MED13: variants seen among roughly 807,000 people sequenced by gnomAD.
MED13 encodes mediator complex subunit 13.
In MED13, 23 loss-of-function variants were observed where a neutral mutation model predicts 225.2. The ratio of observed to expected loss-of-function variants is 0.10; its 90% confidence interval spans 0.07 to 0.14. The LOEUF (loss-of-function observed/expected upper bound fraction) is 0.14. Ranked by LOEUF, MED13 falls within the 10% of genes least tolerant of loss-of-function variation. The pLI is 1.00. For synonymous variants in MED13, 942 were observed against 889.2 expected, an observed-to-expected ratio of 1.06 and a Z score of -1.06; for missense variants, 2,197 against 2,594.5, an observed-to-expected ratio of 0.85 and a Z score of 3.33.
In MED13 at chr17:61,945,139, T is replaced by TA. The variant is rs562056483; in HGVS notation, c.*1328dup. On this transcript the variant is annotated 3_prime_UTR_variant, in exon 30 of 30. Coordinates refer to ENST00000397786, the MANE Select transcript of MED13 (RefSeq NM_005121.3). ...ATAAATAAAAAAGGCAAGGGAAGTTTAAAAAATGGTTCTTTCACTAGTGGA... is the reference window on the plus strand; with the variant it reads ...ATAAATAAAAAAGGCAAGGGAAGTTTAAAAAAATGGTTCTTTCACTAGTGGA... 7.2e-5 allele frequency: 11 copies of TA among 152,406 alleles called. No homozygotes were observed. The highest frequency in any genetic ancestry group is 2.6e-4 in the Admixed American group (4 of 15,286). The allele number at this position is 152,406 out of a possible 1,614,324, so 9.4% of individuals were successfully genotyped here.
chr17:62,020,377 T>C (rs2080628240), intron 8 of MED13, among the ~76,000 whole-genome samples: 1 of 152,114 alleles, frequency 6.6e-6, no homozygotes, highest in Admixed American at 6.6e-5. Context: ...TACTGTAGTT[T>C]GCTTTTTATT....
At chr17:62,063,415 A>C (rs1000579380) in intron 1 of MED13, 114 bp from the exon 2 acceptor site, 23 of 666,430 alleles carry the variant, frequency 3.5e-5, no homozygotes, top group Non-Finnish European at 5.1e-6. Context: ...TGTATGCTTG[A>C]GATATTGACT....
chr17:61,960,054 A>C (rs1603391718), intron 23 of MED13, among the ~76,000 whole-genome samples: 2 of 152,166 alleles, frequency 1.3e-5, no homozygotes, highest in South Asian at 4.2e-4. Context: ...ACTAAAAATC[A>C]TTTCACGAAT....
chr17:62,019,189 T>C (rs1264495601), intron 8 of MED13, among the ~76,000 whole-genome samples: 1 of 152,252 alleles, frequency 6.6e-6, no homozygotes, highest in Non-Finnish European at 1.5e-5. Context: ...ATAGGCCGAA[T>C]GCAGAAGCAG....
intron 8 of MED13, among the ~76,000 whole-genome samples, chr17:62,015,892 CACACACACAT>C (rs1567979475): frequency 1.1e-5 from 1 of 90,012 alleles, no homozygotes; most frequent in Non-Finnish European, 2.2e-5. Flanking sequence ...TATATACACA[CACACACACAT>C]ACACACTATA....
intron 20 of MED13, among the ~76,000 whole-genome samples, chr17:61,964,298 T>C (rs551189642): frequency 9.8e-5 from 15 of 152,296 alleles, no homozygotes; most frequent in East Asian, 9.6e-4. Context: ...CTAGGCCGGG[T>C]GCGATAGCTC....
At chr17:61,948,825 G>A (rs897419796) in intron 28 of MED13, among the ~76,000 whole-genome samples, 3 of 151,184 alleles carry the variant, frequency 2.0e-5, no homozygotes, top group African/African-American at 4.9e-5. Context: ...GGTGGCTCAC[G>A]CCTGTAATCC....
At chr17:62,014,499 T>A (rs543777617) in intron 8 of MED13, among the ~76,000 whole-genome samples, 1 of 152,080 alleles carries the variant, frequency 6.6e-6, no homozygotes, top group South Asian at 2.1e-4. Context: ...GTATTTTCAG[T>A]AGAGGTGGGG....
chr17:61,955,419 G>A lies in MED13; in HGVS notation c.5931C>T (p.Thr1977=), dbSNP rs1773108808. Residue 1977 remains threonine (T), a synonymous_variant, in exon 26 of 30, where the codon ACC becomes ACT. Coordinates refer to ENST00000397786, the MANE Select transcript of MED13 (RefSeq NM_005121.3). ...TGAAAGCTAAATCCAAATTTTCAGT[G>A]GTATAAGTAGCTGAAGCTACTTGCA... is the stretch of plus-strand genomic sequence containing the variant. ...ASVQVASATY[T]TENLDLAFNP... is the part of the protein sequence containing the mutation. 6.3e-7 allele frequency: 1 copy of A among 1,576,638 alleles called. No homozygotes were observed. The highest frequency in any genetic ancestry group is 8.6e-7 in the Non-Finnish European group (1 of 1,166,944).
chr17:62,009,197 G>T (rs892182951), intron 9 of MED13, among the ~76,000 whole-genome samples: 1 of 152,050 alleles, frequency 6.6e-6, no homozygotes, highest in African/African-American at 2.4e-5. Context: ...TATGTAAAAG[G>T]CTTATTAGAC....
At chr17:62,011,350 A>C (rs1324773626) in intron 8 of MED13, 117 bp from the exon 9 acceptor site, 1 of 867,578 alleles carries the variant, frequency 1.2e-6, no homozygotes, top group East Asian at 2.9e-5. Flanking sequence ...GTAATACTAA[A>C]AGTAAAATAA....
In MED13 at chr17:61,965,312, G is replaced by A. The variant is rs776629591; in HGVS notation, c.4538C>T (p.Thr1513Ile). The change falls in exon 20 of 30, where the codon ACT becomes ATT. Residue 1513 changes from threonine to isoleucine, a missense_variant. Around this residue, in one of 12 missense-constraint regions of MED13, gnomAD observed 457 missense variants for 442.2 expected, o/e 1.03. Coordinates refer to ENST00000397786, the MANE Select transcript of MED13 (RefSeq NM_005121.3). ...SATLASAASS[T>I]MTVTSGVAIS... ...GGCAACACCTGAAGTCACTGTCATA[G>A]TGCTGCTCGCTGCAGATGCTAAGGT... is the stretch of plus-strand genomic sequence containing the variant. 31 of 1,614,140 alleles carry A rather than the reference G, an allele frequency of 1.9e-5. No homozygotes were observed. Among genetic ancestry groups the A allele is most frequent in the Non-Finnish European group, 2.4e-5 (28 of 1,180,050 alleles).
intron 9 of MED13, among the ~76,000 whole-genome samples, chr17:62,008,877 T>C (rs993229976): frequency 1.3e-5 from 2 of 152,050 alleles, no homozygotes; most frequent in African/African-American, 4.8e-5. Flanking sequence ...TTAAACTCCA[T>C]ATAATAGTTA....
intron 5 of MED13, 60 bp from the exon 6 acceptor site, chr17:62,031,698 C>A: frequency 8.7e-7 from 1 of 1,154,084 alleles, no homozygotes. Flanking sequence ...GAATTAGTTT[C>A]ACTCAAAAGT....
intron 26 of MED13, 171 bp downstream of exon 26, chr17:61,955,211 G>T: frequency 2.0e-6 from 1 of 490,002 alleles, no homozygotes; most frequent in South Asian, 4.3e-5. Context: ...TCGCATTAAG[G>T]GCCCACCTGC....
intron 3 of MED13, among the ~76,000 whole-genome samples, chr17:62,048,267 T>C (rs1409699120): frequency 1.3e-5 from 2 of 149,236 alleles, no homozygotes; most frequent in African/African-American, 2.4e-5. Flanking sequence ...TAGCCAGTCG[T>C]GGTGGCTAGT....
In MED13 at chr17:61,965,094, C is replaced by T. The variant is rs372745812; in HGVS notation, c.4756G>A (p.Gly1586Arg). 1.2e-5 allele frequency: 19 copies of T among 1,614,034 alleles called. No homozygotes were observed. The highest frequency in any genetic ancestry group is 1.4e-5 in the Non-Finnish European group (17 of 1,180,036). ...ANTVQSGQLG[G>R]QQTSALQTAG... The stretch of plus-strand genomic sequence containing the variant: ...GTCTGTAGAGCTGATGTCTGTTGCC[C>T]TCCTAGCTGACCACTCTGAACTGTA... The change falls in exon 20 of 30, where the codon GGG becomes AGG. Residue 1586 changes from glycine to arginine, a missense_variant. Gly to Arg is a moderately radical substitution (Grantham distance 125). Coordinates refer to ENST00000397786, the MANE Select transcript of MED13 (RefSeq NM_005121.3).
At chr17:62,011,317 C>T (rs76859458) in intron 8 of MED13, 84 bp from the exon 9 acceptor site, 8 of 1,137,062 alleles carry the variant, frequency 7.0e-6, no homozygotes, top group African/African-American at 3.2e-5. Flanking sequence ...TTAGACACTT[C>T]GGTTATCATT....
At position 61,982,441 on chromosome 17, in the gene MED13, A is replaced by T. The variant is rs781104792; in HGVS notation, c.3562T>A (p.Leu1188Met). ...LKESEKLSDDLILLLQDQCTN... is the reference protein window; with the variant it reads ...LKESEKLSDDMILLLQDQCTN... ...CACTGATCTTGTAGCAATAATATCA[A>T]ATCATCAGATAATTTTTCAGATTCC... Residue 1188 changes from leucine (L) to methionine (M), a missense_variant, in exon 16 of 30, where the codon TTG becomes ATG. Leu to Met is a conservative substitution (Grantham distance 15). This residue lies in a region of MED13 where 203 missense variants were observed against 209.7 expected (regional missense o/e 0.97). Coordinates refer to ENST00000397786, the MANE Select transcript of MED13 (RefSeq NM_005121.3). 1 of 1,614,242 alleles carries T rather than the reference A, an allele frequency of 6.2e-7. No homozygotes were observed. Among genetic ancestry groups the T allele is most frequent in the Non-Finnish European group, 8.5e-7 (1 of 1,180,042 alleles).
Sources: gnomAD v4.1 joint callset for allele counts (sites outside exome capture counted in the v4.1 genomes callset) on GRCh38, gnomAD v4.1.1 for gene constraint, gnomAD v4.1.1 regional missense constraint, MANE v1.5 for transcripts, NCBI Gene and HGNC (gene_info 2026-07-23, HGNC 2026-07-21) for gene names.